Variants in ABCB9 observed in about 807,000 individuals in gnomAD.
ABCB9 encodes ATP binding cassette subfamily B member 9.
Under a neutral mutation model 62.0 loss-of-function variants are expected in ABCB9, and 36 were observed. That is an observed-to-expected ratio of 0.58 (90% CI 0.45 to 0.77). The LOEUF (loss-of-function observed/expected upper bound fraction) is 0.77, where lower values mean the gene tolerates loss of function less well. Among genes scored for constraint, ABCB9 ranks in the 30% least tolerant of loss-of-function variants. The probability of loss-of-function intolerance (pLI) is 0.00; values close to 1 mark genes in which losing one functional copy is unlikely to be tolerated. For synonymous variants in ABCB9, 435 were observed against 461.4 expected (o/e 0.94, Z 0.73); for missense variants, 943 against 1,054.7 (o/e 0.89, Z 1.47).
At chr12:122,942,215 T>C (rs763923224) in intron 7 of ABCB9, among the ~76,000 whole-genome samples, 9 of 151,948 alleles carry the variant, frequency 5.9e-5, no homozygotes, top group African/African-American at 1.2e-4. Context: ...AATGTCCTCA[T>C]TGGTGATAAG....
intron 9 of ABCB9, among the ~76,000 whole-genome samples, chr12:122,936,307 A>G (rs960249244): frequency 1.1e-4 from 16 of 152,190 alleles, no homozygotes; most frequent in Admixed American, 3.3e-4. Flanking sequence ...ATTGAAAAGG[A>G]TATTTACTAA....
chr12:122,930,046 G>T lies in ABCB9; in HGVS notation c.2166C>A (p.Gly722=), dbSNP rs1038273184. The change falls in exon 12 of 12, where the codon GGC becomes GGA. Residue 722 remains glycine, a synonymous_variant. Coordinates refer to ENST00000280560, the MANE Select transcript of ABCB9 (RefSeq NM_019625.4). This position sits in a 1 kb window ranked among gnomAD's most constrained non-coding sequence, Gnocchi z 4.9. ...VLDKGRVVQQ[G]THQQLLAQGG... ...CCTGGGCCAGCAGCTGCTGGTGGGTGCCCTGCTGCACTACGCGGCCCTTGT... is the reference window on the plus strand; with the variant it reads ...CCTGGGCCAGCAGCTGCTGGTGGGTTCCCTGCTGCACTACGCGGCCCTTGT... 6.4e-7 allele frequency: 1 copy of T among 1,571,692 alleles called. No homozygotes were observed. The highest frequency in any genetic ancestry group is 8.6e-7 in the Non-Finnish European group (1 of 1,159,324).
chr12:122,953,677 C>T (rs1251777705), intron 2 of ABCB9, among the ~76,000 whole-genome samples: 1 of 152,154 alleles, frequency 6.6e-6, no homozygotes, highest in Admixed American at 6.5e-5. Context: ...TGAGCCATCG[C>T]ACCTGGCCTA....
Position 122,973,578 on chromosome 12 carries a change from G to GAA in ABCB9, c.-88+1135_-88+1136dup, listed in dbSNP as rs57853191. On this transcript the variant is annotated intron_variant, in intron 1 of 11. Coordinates refer to the ABCB9 transcript ENST00000392439. ...AGAGCGAGACTCCGTCTCAAAAAAA[G>GAA]AAAAAAAAAAAAAAAAAAAAAAAAA... Among the ~76,000 whole-genome samples, 45 of 50,336 alleles carry GAA rather than the reference G, an allele frequency of 8.9e-4. 3 individuals carry two copies. The highest frequency in any genetic ancestry group is 1.2e-3 in the African/African-American group (17 of 13,944). The allele number at this position is 50,336 out of a possible 152,430, so 33.0% of individuals were successfully genotyped here.
rs1248860885 is a variant in ABCB9, at chr12:122,949,832, G to A, written c.803C>T (p.Ser268Leu). 1 of 1,614,128 alleles carries A rather than the reference G, an allele frequency of 6.2e-7. No individual in the cohort carries two copies. The highest frequency in any genetic ancestry group is 1.3e-5 in the African/African-American group (1 of 74,956). Residue 268 changes from serine to leucine, a missense_variant, in exon 4 of 12, where the codon TCA (serine) becomes TTA (leucine). Ser to Leu is a moderately radical substitution (Grantham distance 145, BLOSUM62 -2). Coordinates refer to ENST00000280560, the MANE Select transcript of ABCB9 (RefSeq NM_019625.4). ...NIRLRNCLFR[S>L]LVSQETSFFD... ...GAAGCTTGTCTCCTGGGACACCAGT[G>A]AGCGGAAGAGACAGTTTCGAAGGCG...
intron 3 of ABCB9, 40 bp downstream of exon 3, chr12:122,950,411 C>G (rs1476639821): frequency 2.6e-6 from 4 of 1,554,648 alleles, no homozygotes; most frequent in Non-Finnish European, 2.6e-6. Context: ...TGGTGCAGGT[C>G]GGGGTGTGCG....
rs2035019593 is a variant in ABCB9 at position 122,929,395 on chromosome 12, G to A, written c.*516C>T. Reference sequence around the variant, plus strand: ...ACTCACAGAGCTGGCAAGAGGGAGAGACGGAAAATCCCGTTCCCCGTGTCT... The same window carrying A: ...ACTCACAGAGCTGGCAAGAGGGAGAAACGGAAAATCCCGTTCCCCGTGTCT... On this transcript the variant is annotated 3_prime_UTR_variant, in exon 12 of 12. Coordinates refer to ENST00000280560, the MANE Select transcript of ABCB9 (RefSeq NM_019625.4). The surrounding 1 kb of genome is among the most constrained non-coding windows in gnomAD (Gnocchi z 6.0). The A allele has an allele frequency of 1.0e-6, 1 of 986,256 alleles. No homozygotes were observed. The allele number at this position is 986,256 out of a possible 1,614,324, so 61.1% of individuals were successfully genotyped here. A position where few individuals can be genotyped will look rare whatever the true frequency, so the allele number is the denominator to read the frequency against.
At chr12:122,928,936 C>A (rs1365647786), downstream of ABCB9, 9 of 928,476 alleles carry the variant, frequency 9.7e-6, no homozygotes, top group Non-Finnish European at 1.2e-5. Flanking sequence ...GAGCCGTGGT[C>A]TGGTGGAAAA....
chr12:122,935,325 T>G lies in ABCB9; in HGVS notation c.1850A>C (p.Gln617Pro). 6.8e-6 allele frequency: 11 copies of G among 1,613,890 alleles called. No individual in the cohort carries two copies. The highest frequency in any genetic ancestry group is 9.3e-6 in the Non-Finnish European group (11 of 1,179,952). ...VPFEMVVEAAQKANAHGFIME... is the reference protein window; with the variant it reads ...VPFEMVVEAAPKANAHGFIME... ...GATGAAGCCGTGGGCATTGGCCTTCTGTGCGGCCTCCACCACCATCTCGAA... is the reference window on the plus strand; with the variant it reads ...GATGAAGCCGTGGGCATTGGCCTTCGGTGCGGCCTCCACCACCATCTCGAA... Residue 617 changes from glutamine to proline, a missense_variant, in exon 10 of 12, where the codon CAG becomes CCG. By Grantham distance (76) the Gln-to-Pro change is moderately conservative. Transcript: ENST00000280560.
chr12:122,923,058 C>T (rs576966851), intron 11 of ABCB9, among the ~76,000 whole-genome samples: 19 of 152,160 alleles, frequency 1.2e-4, no homozygotes, highest in Non-Finnish European at 2.2e-4. Flanking sequence ...GATCCACCTG[C>T]CTCAGCCTCC....
At chr12:122,934,506 T>C (rs2035356703) in intron 10 of ABCB9, among the ~76,000 whole-genome samples, 1 of 151,552 alleles carries the variant, frequency 6.6e-6, no homozygotes, top group Non-Finnish European at 1.5e-5. Context: ...CTGGGAAACA[T>C]AGCAAGACCC....
intron 3 of ABCB9, 30 bp from the exon 4 acceptor site, chr12:122,949,948 G>C (rs374278268): frequency 4.3e-6 from 7 of 1,613,304 alleles, no homozygotes; most frequent in Non-Finnish European, 5.9e-6. Flanking sequence ...ATTATAGCAC[G>C]ATGTCCTTCC....
At chr12:122,963,092 G>A (rs1232241493) in intron 1 of ABCB9, among the ~76,000 whole-genome samples, 1 of 152,198 alleles carries the variant, frequency 6.6e-6, no homozygotes, top group Non-Finnish European at 1.5e-5. Context: ...GAGCTCACGA[G>A]TTCGATTCCA....
rs1220650616 is a variant in ABCB9, at chr12:122,946,003, C to T, written c.1251+22G>A. 5 of 1,611,176 alleles carry T rather than the reference C, an allele frequency of 3.1e-6. No homozygotes were observed. In the South Asian group the frequency reaches 3.3e-5, roughly 11 times the overall value. ...GCATCCCATCCCTCCACAGCCAGAG[C>T]TGCCTGGCCAGGGGCACGTACCCCG... On this transcript the variant is annotated intron_variant, in intron 6 of 11. Coordinates refer to ENST00000280560, the MANE Select transcript of ABCB9 (RefSeq NM_019625.4).
In ABCB9 at chr12:122,973,861, A is replaced by AAAAC. The variant is rs374635805; in HGVS notation, c.-88+850_-88+853dup. ...GGGCGACAGAGCAAGACTCCGTCTC[A>AAAAC]AAACAAACAAACAAACAAACAAAAA... On this transcript the variant is annotated intron_variant, in intron 1 of 11. Transcript: ENST00000392439. Among the ~76,000 whole-genome samples the AAAAC allele has an allele frequency of 4.5e-4, 68 of 152,068 alleles. 1 individual carries two copies. The highest frequency in any genetic ancestry group is 2.9e-3 in the East Asian group (15 of 5,160).
Position 122,959,877 on chromosome 12 carries a change from A to G in ABCB9, c.359T>C (p.Phe120Ser). The G allele has an allele frequency of 1.9e-6, 3 of 1,613,552 alleles. No homozygotes were observed. Among genetic ancestry groups the G allele is most frequent in the Non-Finnish European group, 1.7e-6 (2 of 1,179,882 alleles). Residue 120 changes from phenylalanine to serine, a missense_variant, in exon 2 of 12, where the codon TTC (phenylalanine) becomes TCC (serine). Physicochemically the swap from Phe to Ser is radical, Grantham distance 155. Coordinates refer to ENST00000280560, the MANE Select transcript of ABCB9 (RefSeq NM_019625.4). The surrounding 1 kb of genome is among the most constrained non-coding windows in gnomAD (Gnocchi z 5.4). ...GCCGAGTGAAATGTACGTCCACACG[A>G]ACAGGGCCCAAAACCAGGGGTCCCG... The part of the protein sequence containing the change: ...PIRDPWFWAL[F>S]VWTYISLGAS...
chr12:122,955,406 C>G (rs1056977888), intron 2 of ABCB9, among the ~76,000 whole-genome samples: 4 of 152,232 alleles, frequency 2.6e-5, no homozygotes, highest in African/African-American at 9.6e-5. Flanking sequence ...GGGGCACCAT[C>G]TGTCTGCACA....
At chr12:122,934,417 G>A (rs2035352756) in intron 10 of ABCB9, among the ~76,000 whole-genome samples, 1 of 151,918 alleles carries the variant, frequency 6.6e-6, no homozygotes, top group South Asian at 2.1e-4. Context: ...AATACAGGCT[G>A]GATACAATGG....
chr12:122,963,780 C>T (rs755869988), intron 1 of ABCB9, among the ~76,000 whole-genome samples: 1 of 152,176 alleles, frequency 6.6e-6, no homozygotes, highest in African/African-American at 2.4e-5. Flanking sequence ...TCCAGGCACA[C>T]CGAAGCCCAT....
Sources: allele counts gnomAD v4.1 joint callset (sites outside exome capture counted in the v4.1 genomes callset), GRCh38; gene constraint gnomAD v4.1.1; non-coding constraint Gnocchi (gnomAD v3.1); transcripts MANE v1.5; gene names NCBI Gene and HGNC (gene_info 2026-07-23, HGNC 2026-07-21).